Variants in WDR19 observed in about 807,000 individuals in gnomAD.
The protein encoded by WDR19 is WD repeat domain 19.
In WDR19, 121 loss-of-function variants were observed where a neutral mutation model predicts 180.0. The observed-to-expected ratio is 0.67, with a 90% CI of 0.58 to 0.78. The LOEUF (loss-of-function observed/expected upper bound fraction) is 0.78, where lower values mean the gene tolerates loss of function less well. Among genes scored for constraint, WDR19 ranks in the 30% least tolerant of loss-of-function variants. The pLI is 0.00. For synonymous variants in WDR19, 497 were observed against 540.7 expected, an observed-to-expected ratio of 0.92 and a Z score of 1.12; for missense variants, 1,450 against 1,640.7, an observed-to-expected ratio of 0.88 and a Z score of 2.01.
chr4:39,259,928 T>C (rs1734122260), intron 28 of WDR19, among the ~76,000 whole-genome samples: 1 of 152,202 alleles, frequency 6.6e-6, no homozygotes, highest in Non-Finnish European at 1.5e-5. Flanking sequence ...CTTCAACTCT[T>C]GCATAAATGC....
At position 39,189,737 on chromosome 4, in the gene WDR19, G is replaced by C; in HGVS notation, c.246G>C (p.Trp82Cys). The change falls in exon 4 of 37, where the codon TGG (tryptophan) becomes TGC (cysteine). Residue 82 changes from tryptophan to cysteine, a missense_variant. Trp to Cys is a radical substitution (Grantham distance 215). Coordinates refer to ENST00000399820, the MANE Select transcript of WDR19 (RefSeq NM_025132.4). ...IAEKSSCIYL[W>C]DANTNKTSQL... Reference sequence around the variant, plus strand: ...AGAAATCTAGCTGCATTTATCTTTGGGATGCCAACACAAATAAGACCAGCC... The same window carrying C: ...AGAAATCTAGCTGCATTTATCTTTGCGATGCCAACACAAATAAGACCAGCC... The C allele has an allele frequency of 6.2e-7, 1 of 1,611,056 alleles. No individual in the cohort carries two copies. Among genetic ancestry groups the C allele is most frequent in the South Asian group, 1.1e-5 (1 of 90,284 alleles).
rs563922072 is a variant in WDR19 at position 39,251,181 on chromosome 4, A to G, written c.2730-1965A>G. Among the ~76,000 whole-genome samples the G allele has an allele frequency of 2.0e-5, 3 of 152,320 alleles. No homozygotes were observed. The East Asian group carries it at 5.8e-4, about 29-fold the overall frequency. ...CAGAGATATAGATCAATGGAACAGA[A>G]CAGAGCCCTCAGAAATAATGCTGCA... On this transcript the variant is annotated intron_variant, in intron 24 of 36. Transcript: ENST00000399820.
chr4:39,191,918 A>G (rs1726186753), intron 4 of WDR19, among the ~76,000 whole-genome samples: 1 of 152,164 alleles, frequency 6.6e-6, no homozygotes, highest in Non-Finnish European at 1.5e-5. Flanking sequence ...TGTAATTGTT[A>G]TATGTTGTCC....
chr4:39,188,864 C>A (rs746995130), intron 3 of WDR19, among the ~76,000 whole-genome samples: 17 of 152,088 alleles, frequency 1.1e-4, no homozygotes, highest in Non-Finnish European at 2.2e-4. Flanking sequence ...AATCTTCCCA[C>A]TTCAGCCTCC....
At chr4:39,258,194 C>G (rs931374763) in intron 28 of WDR19, among the ~76,000 whole-genome samples, 9 of 152,186 alleles carry the variant, frequency 5.9e-5, no homozygotes, top group African/African-American at 2.2e-4. Flanking sequence ...GCTCTTTTGC[C>G]CAGGCTGGAG....
At chr4:39,282,469 C>T (rs1433815549) in intron 36 of WDR19, among the ~76,000 whole-genome samples, 1 of 152,192 alleles carries the variant, frequency 6.6e-6, no homozygotes, top group Non-Finnish European at 1.5e-5. Context: ...GCAATCTCAG[C>T]TCGCTGCAAC....
chr4:39,285,043 T>TAAC (rs1158520692), intron 36 of WDR19, among the ~76,000 whole-genome samples: 2 of 115,310 alleles, frequency 1.7e-5, no homozygotes, highest in Admixed American at 7.7e-5. Context: ...CTGGGCAATG[T>TAAC]AACAAGACCC....
chr4:39,245,627 A>G (rs560042169), intron 24 of WDR19, among the ~76,000 whole-genome samples, 175 bp downstream of exon 24: 2 of 152,282 alleles, frequency 1.3e-5, no homozygotes, highest in South Asian at 4.1e-4. Flanking sequence ...TACCTCATAT[A>G]CTTCAAGTGT....
intron 21 of WDR19, among the ~76,000 whole-genome samples, chr4:39,242,571 C>T (rs1732068165): frequency 6.6e-6 from 1 of 152,152 alleles, no homozygotes; most frequent in Admixed American, 6.5e-5. Context: ...CTAGTGATAA[C>T]CAGCACTTTG....
rs1405889324 is a variant in WDR19 at position 39,267,962 on chromosome 4, A to G, written c.3262-33A>G. ...TGTAATCTCCCCTTAGCTAATGAAG[A>G]AAGTAATGTTTCTATAATGGTTTAT... On this transcript the variant is annotated intron_variant, in intron 29 of 36. Transcript: ENST00000399820. 2.6e-6 allele frequency: 4 copies of G among 1,561,276 alleles called. No individual in the cohort carries two copies. The South Asian group carries it at 4.7e-5, about 18-fold the overall frequency.
chr4:39,185,866 C>A, intron 2 of WDR19, 49 bp downstream of exon 2: 2 of 1,405,220 alleles, frequency 1.4e-6, no homozygotes, highest in South Asian at 2.6e-5. Context: ...CCCATGTAAT[C>A]ACACCATCTA....
At chr4:39,242,232 TTTTTTATTTTTATAATAAAATTAAAAA>T (rs1449808389) in intron 21 of WDR19, among the ~76,000 whole-genome samples, 13 of 151,916 alleles carry the variant, frequency 8.6e-5, no homozygotes, top group Non-Finnish European at 1.3e-4. Context: ...ACCCAGATAA[TTTTTTATTTTTATAATAAAATTAAAAA>T]TTTTTATTTT....
intron 36 of WDR19, among the ~76,000 whole-genome samples, chr4:39,281,234 T>TAGAGAGAGAGAGAGAGAGAG (rs1189043858): frequency 8.6e-4 from 93 of 108,268 alleles, no homozygotes; most frequent in East Asian, 1.2e-3. Context: ...TATATATATA[T>TAGAGAGAGAGAGAGAGAGAG]ATAGAGAGAG....
chr4:39,189,600 A>G, intron 3 of WDR19, 56 bp from the exon 4 acceptor site: 1 of 1,425,356 alleles, frequency 7.0e-7, no homozygotes, highest in Non-Finnish European at 9.3e-7. Context: ...AAAATCACAA[A>G]TAGTAATTTT....
At chr4:39,257,335 T>C in intron 27 of WDR19, 151 bp from the exon 28 acceptor site, 1 of 693,786 alleles carries the variant, frequency 1.4e-6, no homozygotes, top group Non-Finnish European at 2.4e-6. Flanking sequence ...TTTAAGGACA[T>C]ATTTAAGATC....
intron 3 of WDR19, among the ~76,000 whole-genome samples, chr4:39,189,251 T>A (rs1725900436): frequency 6.6e-6 from 1 of 152,102 alleles, no homozygotes; most frequent in African/African-American, 2.4e-5. Context: ...TACCTTCTTG[T>A]CCTCTCTGTC....
intron 9 of WDR19, among the ~76,000 whole-genome samples, chr4:39,211,518 C>A (rs1343933201): frequency 6.6e-6 from 1 of 151,888 alleles, no homozygotes; most frequent in Admixed American, 6.6e-5. Flanking sequence ...TATTTTTCTG[C>A]AAAAAAGCAA....
chr4:39,276,437 T>C (rs928654894), intron 33 of WDR19, among the ~76,000 whole-genome samples: 3 of 152,174 alleles, frequency 2.0e-5, no homozygotes, highest in African/African-American at 4.8e-5. Flanking sequence ...TCTCTCCCCA[T>C]GCACAAATGG....
intron 23 of WDR19, 134 bp from the exon 24 acceptor site, chr4:39,245,235 C>A: frequency 1.5e-6 from 1 of 667,054 alleles, no homozygotes; most frequent in Non-Finnish European, 2.4e-6. Flanking sequence ...GCCACTGCAC[C>A]CCGCCAGGAG....
Sources: gnomAD v4.1 joint callset for allele counts (sites outside exome capture counted in the v4.1 genomes callset) on GRCh38, gnomAD v4.1.1 for gene constraint, MANE v1.5 for transcripts, NCBI Gene and HGNC (gene_info 2026-07-23, HGNC 2026-07-21) for gene names.